BICRA: variants seen among roughly 807,000 people sequenced by gnomAD.
BICRA encodes the protein BRD4 interacting chromatin remodeling complex associated protein.
Under a neutral mutation model 96.9 loss-of-function variants are expected in BICRA, and 31 were observed. The observed-to-expected ratio is 0.32, with a 90% CI of 0.24 to 0.43. The LOEUF (loss-of-function observed/expected upper bound fraction) is 0.43, where lower values mean the gene tolerates loss of function less well. Among genes scored for constraint, BICRA ranks in the 20% least tolerant of loss-of-function variants. BICRA has a pLI of 1.00. For missense variants in BICRA, 2,283 were observed against 2,190.3 expected, an observed-to-expected ratio of 1.04 and a Z score of -0.84; for synonymous variants, 1,350 against 1,071.8, an observed-to-expected ratio of 1.26 and a Z score of -5.07.
intron 1 of BICRA, among the ~76,000 whole-genome samples, chr19:47,640,329 C>T (rs369020467): frequency 2.6e-5 from 4 of 151,862 alleles, no homozygotes; most frequent in South Asian, 2.1e-4. Flanking sequence ...GACAGGAGTT[C>T]GAGACCGGCC....
At chr19:47,635,606 C>T (rs929204991) in intron 1 of BICRA, among the ~76,000 whole-genome samples, 1 of 152,030 alleles carries the variant, frequency 6.6e-6, no homozygotes, top group African/African-American at 2.4e-5. Context: ...AACAATAACT[C>T]TCCATTCTCC....
chr19:47,679,515 G>T lies in BICRA; in HGVS notation c.345G>T (p.Glu115Asp). 1 of 1,547,826 alleles carries T rather than the reference G, an allele frequency of 6.5e-7. No individual in the cohort carries two copies. The highest frequency in any genetic ancestry group is 8.7e-7 in the Non-Finnish European group (1 of 1,146,152). ...QQSLQEANIT[E>D]QTLEAEAELD... Reference sequence around the variant, plus strand: ...GCCTCCAAGAGGCCAACATCACGGAGCAGACGCTGGAGGCCGAGGCTGAGC... The same window carrying T: ...GCCTCCAAGAGGCCAACATCACGGATCAGACGCTGGAGGCCGAGGCTGAGC... The change falls in exon 6 of 15, where the codon GAG becomes GAT. Residue 115 changes from glutamate (E) to aspartate (D), a missense_variant. Physicochemically the swap from Glu to Asp is conservative, Grantham distance 45 (BLOSUM62 2). Transcript: ENST00000594866.
chr19:47,647,047 G>A (rs921505293), intron 1 of BICRA, among the ~76,000 whole-genome samples: 1 of 152,146 alleles, frequency 6.6e-6, no homozygotes, highest in Non-Finnish European at 1.5e-5. Flanking sequence ...ACTCTTACAC[G>A]ACGTGGCCTT....
At chr19:47,635,049 A>G (rs1972280069) in intron 1 of BICRA, among the ~76,000 whole-genome samples, 1 of 152,146 alleles carries the variant, frequency 6.6e-6, no homozygotes, top group South Asian at 2.1e-4. Context: ...GGCGTGAGCC[A>G]CCGCTCCTGG....
chr19:47,683,775 G>T (rs544588193), intron 7 of BICRA, among the ~76,000 whole-genome samples: 2 of 152,022 alleles, frequency 1.3e-5, no homozygotes, highest in African/African-American at 4.8e-5. Context: ...TAGTAGAGAC[G>T]GGGTTTCACC....
At chr19:47,668,889 G>A (rs1197746002) in intron 1 of BICRA, among the ~76,000 whole-genome samples, 1 of 150,994 alleles carries the variant, frequency 6.6e-6, no homozygotes, top group East Asian at 2.0e-4. Flanking sequence ...GGAGGCCGAG[G>A]TGGGTGGATC....
chr19:47,681,503 G>C (rs1424046434), intron 6 of BICRA, among the ~76,000 whole-genome samples: 3 of 152,192 alleles, frequency 2.0e-5, no homozygotes, highest in African/African-American at 7.2e-5. Flanking sequence ...GATAGACAAG[G>C]GGCAGGACAA....
In BICRA at chr19:47,696,522, C is replaced by T; in HGVS notation, c.3248+10C>T. On this transcript the variant is annotated intron_variant, in intron 11 of 14. Coordinates refer to ENST00000594866, the MANE Select transcript of BICRA (RefSeq NM_001394372.1). The stretch of plus-strand genomic sequence containing the variant: ...CCAGCAAGGAAGCCTGGTGAGTCCA[C>T]ACCCCATCCTTGCATGCCTGCCCTG... The T allele has an allele frequency of 1.9e-6, 3 of 1,596,832 alleles. No homozygotes were observed. Among genetic ancestry groups the T allele is most frequent in the Non-Finnish European group, 2.6e-6 (3 of 1,171,896 alleles).
chr19:47,694,418 C>A lies in BICRA; in HGVS notation c.2587C>A (p.Arg863Ser). Reference protein sequence around the residue: ...TAPGPPQPPLRPQSQPPEGPL... With the variant: ...TAPGPPQPPLSPQSQPPEGPL... ...CCCAGGCCCGCCGCAGCCGCCTCTC[C>A]GCCCCCAGTCCCAGCCGCCTGAGGG... The change falls in exon 8 of 15, where the codon CGC (arginine) becomes AGC (serine). Residue 863 changes from arginine (R) to serine (S), a missense_variant. Transcript: ENST00000594866. 1.9e-6 allele frequency: 2 copies of A among 1,049,466 alleles called. No individual in the cohort carries two copies. Among genetic ancestry groups the A allele is most frequent in the Non-Finnish European group, 2.9e-6 (2 of 686,968 alleles). The allele number at this position is 1,049,466 out of a possible 1,614,324, so 65.0% of individuals were successfully genotyped here.
chr19:47,613,941 G>A (rs777511273), intron 1 of BICRA, among the ~76,000 whole-genome samples: 1 of 151,806 alleles, frequency 6.6e-6, no homozygotes, highest in Admixed American at 6.6e-5. Context: ...GGGGAAAGGA[G>A]TGTTGGCACA....
At chr19:47,655,078 A>T (rs1279954708) in intron 1 of BICRA, among the ~76,000 whole-genome samples, 1 of 152,094 alleles carries the variant, frequency 6.6e-6, no homozygotes, top group Non-Finnish European at 1.5e-5. Context: ...AATAGCAAAA[A>T]ATTTGAGTCA....
chr19:47,682,610 G>A (rs981148917), intron 7 of BICRA, among the ~76,000 whole-genome samples: 2 of 151,664 alleles, frequency 1.3e-5, no homozygotes, highest in African/African-American at 4.8e-5. Flanking sequence ...AGCATCTTCT[G>A]CCTGCGGTAT....
intron 1 of BICRA, among the ~76,000 whole-genome samples, chr19:47,618,266 T>A (rs1046195027): frequency 6.6e-6 from 1 of 152,158 alleles, no homozygotes; most frequent in Non-Finnish European, 1.5e-5. Flanking sequence ...GATGGGCAAC[T>A]GGGTCAGCTG....
At chr19:47,637,783 T>C (rs1045489872) in intron 1 of BICRA, among the ~76,000 whole-genome samples, 5 of 152,286 alleles carry the variant, frequency 3.3e-5, no homozygotes, top group African/African-American at 1.2e-4. Context: ...CACATAAACA[T>C]GATCGTACAC....
rs1244235819 is a variant in BICRA, at chr19:47,685,762, T to C, written c.2283+3610T>C. ...GCCTCTGTGTGTGTGTGTGTGTGTGTGTGTGTGTGTGTGTGTGTGTGTGTG... is the reference window on the plus strand; with the variant it reads ...GCCTCTGTGTGTGTGTGTGTGTGTGCGTGTGTGTGTGTGTGTGTGTGTGTG... On this transcript the variant is annotated intron_variant, in intron 7 of 14. Transcript: ENST00000594866. Among the ~76,000 whole-genome samples the C allele has an allele frequency of 3.1e-5, 4 of 129,972 alleles. No homozygotes were observed. The South Asian group carries it at 1.0e-3, about 33-fold the overall frequency. The allele number at this position is 129,972 out of a possible 152,430, so 85.3% of individuals were successfully genotyped here. A position where few individuals can be genotyped will look rare whatever the true frequency, so the allele number is the denominator to read the frequency against.
chr19:47,679,914 C>T lies in BICRA; in HGVS notation c.744C>T (p.Pro248=). ...AGCCCGTCATGGCGCTCAACACGCC[C>T]ACCTCCCAGCTCCTGGCCAAGCAGG... The part of the protein sequence containing the change: ...VGQPVMALNT[P]TSQLLAKQVP... Residue 248 remains proline (P), a synonymous_variant, in exon 6 of 15, where the codon CCC becomes CCT. Transcript: ENST00000594866. 6.6e-7 allele frequency: 1 copy of T among 1,521,518 alleles called. No individual in the cohort carries two copies. Among genetic ancestry groups the T allele is most frequent in the Middle Eastern group, 1.9e-4 (1 of 5,136 alleles). The allele number at this position is 1,521,518 out of a possible 1,614,324, so 94.3% of individuals were successfully genotyped here.
intron 1 of BICRA, among the ~76,000 whole-genome samples, chr19:47,668,101 A>C (rs1972809920): frequency 6.6e-6 from 1 of 152,146 alleles, no homozygotes. Context: ...GTGGTGGTGC[A>C]TGCCTGTAAT....
chr19:47,680,938 C>T lies in BICRA; in HGVS notation c.1768C>T (p.Pro590Ser), dbSNP rs543939214. Reference protein sequence around the residue: ...TTVLQGVTLPPSAVAMLNTPD... With the variant: ...TTVLQGVTLPSSAVAMLNTPD... ...TGTCCTCCAGGGGGTCACCCTGCCC[C>T]CCAGCGCCGTGGCCATGCTCAACAC... is the stretch of plus-strand genomic sequence containing the variant. Residue 590 changes from proline (P) to serine (S), a missense_variant, in exon 6 of 15, where the codon CCC (proline) becomes TCC (serine). By Grantham distance (74) the Pro-to-Ser change is moderately conservative (BLOSUM62 -1). Coordinates refer to ENST00000594866, the MANE Select transcript of BICRA (RefSeq NM_001394372.1). 2.3e-5 allele frequency: 34 copies of T among 1,478,726 alleles called. No individual in the cohort carries two copies. The South Asian group carries it at 3.8e-4, about 17-fold the overall frequency. 91.6% of individuals were successfully genotyped at this position (1,478,726 alleles called of 1,614,324 possible).
chr19:47,631,289 G>A (rs1344685628), intron 1 of BICRA, among the ~76,000 whole-genome samples: 4 of 151,950 alleles, frequency 2.6e-5, no homozygotes, highest in Non-Finnish European at 2.9e-5. Context: ...GTGCAGTGGC[G>A]CAATCTTGGC....
Sources: gnomAD v4.1 joint callset for allele counts (sites outside exome capture counted in the v4.1 genomes callset) on GRCh38, gnomAD v4.1.1 for gene constraint, MANE v1.5 for transcripts, NCBI Gene and HGNC (gene_info 2026-07-23, HGNC 2026-07-21) for gene names.